Variants in PPFIA2 observed in about 807,000 individuals in gnomAD.
PPFIA2 encodes the protein liprin-alpha-2.
A neutral mutation model predicts 175.5 loss-of-function variants in PPFIA2; 46 were observed. That is an observed-to-expected ratio of 0.26 (90% CI 0.21 to 0.34). The LOEUF (loss-of-function observed/expected upper bound fraction) is 0.34. Ranked by LOEUF, PPFIA2 falls within the 10% of genes least tolerant of loss-of-function variation. The pLI is 1.00. For synonymous variants in PPFIA2, 568 were observed against 511.4 expected, an observed-to-expected ratio of 1.11 and a Z score of -1.49; for missense variants, 1,179 against 1,506.1, an observed-to-expected ratio of 0.78 and a Z score of 3.60.
intron 3 of PPFIA2, among the ~76,000 whole-genome samples, chr12:81,678,127 A>G (rs747574149): frequency 1.1e-4 from 16 of 151,824 alleles, no homozygotes; most frequent in Admixed American, 5.9e-4. Context: ...TATGACTCTG[A>G]TCACCTCTTA....
intron 21 of PPFIA2, among the ~76,000 whole-genome samples, chr12:81,329,037 C>T (rs117592834): frequency 0.02 from 2,999 of 152,132 alleles, 47 homozygotes; most frequent in South Asian, 0.031. Flanking sequence ...CTGCTGGCCT[C>T]AAGGGATCCT....
intron 4 of PPFIA2, among the ~76,000 whole-genome samples, chr12:81,535,179 A>G (rs2065199437): frequency 6.6e-6 from 1 of 151,784 alleles, no homozygotes; most frequent in Non-Finnish European, 1.5e-5. Context: ...TAGACATGAG[A>G]GCAGCCTCAG....
chr12:81,448,594 A>G (rs752281384), intron 5 of PPFIA2, among the ~76,000 whole-genome samples: 3 of 151,928 alleles, frequency 2.0e-5, no homozygotes, highest in Admixed American at 6.6e-5. Flanking sequence ...CTTATCTCCT[A>G]TTTTTCTTCT....
chr12:81,324,732 C>T (rs1423552576), intron 22 of PPFIA2, among the ~76,000 whole-genome samples: 1 of 151,782 alleles, frequency 6.6e-6, no homozygotes, highest in Non-Finnish European at 1.5e-5. Flanking sequence ...TTGATTATGG[C>T]TGAGCATTTG....
chr12:81,297,282 T>C (rs2046710340), intron 23 of PPFIA2, among the ~76,000 whole-genome samples: 1 of 152,110 alleles, frequency 6.6e-6, no homozygotes, highest in Non-Finnish European at 1.5e-5. Context: ...TCCTGACCCA[T>C]AGAAGTCATG....
At chr12:81,598,729 C>A (rs1361347787) in intron 4 of PPFIA2, among the ~76,000 whole-genome samples, 2 of 151,514 alleles carry the variant, frequency 1.3e-5, no homozygotes, top group Admixed American at 6.6e-5. Context: ...GAGGCAATTG[C>A]ATACAATTCA....
At chr12:81,597,888 CT>C (rs1345914978) in intron 4 of PPFIA2, 1 of 1,472,494 alleles carries the variant, frequency 6.8e-7, no homozygotes, top group Non-Finnish European at 9.1e-7. Flanking sequence ...TTATATAGCA[CT>C]TTGTTAAAAG....
At chr12:81,270,579 C>T (rs1370509812) in intron 28 of PPFIA2, 4 of 152,168 alleles carry the variant, frequency 2.6e-5, no homozygotes, top group Non-Finnish European at 5.9e-5. Context: ...TGTTCCTACC[C>T]GCCAAAGAAC....
chr12:81,693,727 A>C (rs2075542241), intron 3 of PPFIA2, among the ~76,000 whole-genome samples: 1 of 152,118 alleles, frequency 6.6e-6, no homozygotes, highest in African/African-American at 2.4e-5. Context: ...CAAAGAGATA[A>C]GGGAAAGTTT....
At chr12:81,526,983 T>C (rs554179176) in intron 4 of PPFIA2, among the ~76,000 whole-genome samples, 3 of 152,112 alleles carry the variant, frequency 2.0e-5, no homozygotes, top group Non-Finnish European at 4.4e-5. Flanking sequence ...TCAGAACAAA[T>C]AGGGTCACAT....
intron 8 of PPFIA2, among the ~76,000 whole-genome samples, chr12:81,401,459 C>T (rs889786694): frequency 2.0e-5 from 3 of 152,106 alleles, no homozygotes; most frequent in Admixed American, 2.0e-4. Flanking sequence ...ATCGCTATTC[C>T]ACATTGCCTC....
At chr12:81,348,165 C>T (rs1184486887) in intron 17 of PPFIA2, among the ~76,000 whole-genome samples, 2 of 152,080 alleles carry the variant, frequency 1.3e-5, no homozygotes, top group African/African-American at 2.4e-5. Flanking sequence ...TGGCAAAGGA[C>T]TAGCAATAGC....
chr12:81,705,406 A>T (rs1654240066), intron 3 of PPFIA2, among the ~76,000 whole-genome samples: 1 of 148,252 alleles, frequency 6.7e-6, no homozygotes, highest in Non-Finnish European at 1.5e-5. Flanking sequence ...CAGTGAGCTG[A>T]GATTGCACCA....
intron 3 of PPFIA2, among the ~76,000 whole-genome samples, chr12:81,741,532 T>C (rs909542328): frequency 3.3e-5 from 5 of 152,250 alleles, no homozygotes; most frequent in Admixed American, 3.3e-4. Context: ...CTCAAGCTTG[T>C]CCAACCTGGG....
At chr12:81,666,767 A>AT (rs1316721317) in intron 4 of PPFIA2, among the ~76,000 whole-genome samples, 1 of 152,132 alleles carries the variant, frequency 6.6e-6, no homozygotes, top group Non-Finnish European at 1.5e-5. Context: ...ATAATAAAAA[A>AT]TAAAAAAAAG....
chr12:81,381,419 T>C (rs2037677459), intron 9 of PPFIA2, among the ~76,000 whole-genome samples: 1 of 152,064 alleles, frequency 6.6e-6, no homozygotes, highest in South Asian at 2.1e-4. Flanking sequence ...AATAGGCAGT[T>C]AGAAAATGGG....
rs147954616 is a variant in PPFIA2, at chr12:81,659,810, C to T, written c.303+16981G>A. On this transcript the variant is annotated intron_variant, in intron 4 of 32. Coordinates refer to ENST00000549396, the MANE Select transcript of PPFIA2 (RefSeq NM_003625.5). ...CCTAACTGGGAGGCACCCCCTAGTA[C>T]GGGCAGACTGACACCTCACACGGCC... Among the ~76,000 whole-genome samples the T allele has an allele frequency of 6.2e-3, 943 of 152,226 alleles. 12 individuals are homozygous for T. Among genetic ancestry groups the T allele is most frequent in the African/African-American group, 0.022 (899 of 41,524 alleles).
At chr12:81,486,709 G>A (rs2058856270) in intron 4 of PPFIA2, among the ~76,000 whole-genome samples, 1 of 151,756 alleles carries the variant, frequency 6.6e-6, no homozygotes, top group African/African-American at 2.4e-5. Context: ...TAGGACATCA[G>A]CCACACAACT....
At chr12:81,660,760 T>C (rs1243396792) in intron 4 of PPFIA2, among the ~76,000 whole-genome samples, 1 of 151,932 alleles carries the variant, frequency 6.6e-6, no homozygotes, top group African/African-American at 2.4e-5. Flanking sequence ...TTCACCAAAG[T>C]TGAAATGAAA....
Sources: allele counts gnomAD v4.1 joint callset (sites outside exome capture counted in the v4.1 genomes callset), GRCh38; gene constraint gnomAD v4.1.1; transcripts MANE v1.5; gene names NCBI Gene and HGNC (gene_info 2026-07-23, HGNC 2026-07-21).